ADAMTS9: variants seen among roughly 807,000 people sequenced by gnomAD.
ADAMTS9 encodes the protein ADAM metallopeptidase with thrombospondin type 1 motif 9.
In ADAMTS9, 107 loss-of-function variants were observed where a neutral mutation model predicts 257.1. That is an observed-to-expected ratio of 0.42 (90% CI 0.36 to 0.49). The LOEUF (loss-of-function observed/expected upper bound fraction) is 0.49. ADAMTS9 is among the 20% of genes least tolerant of loss of function. The probability of loss-of-function intolerance (pLI) is 0.03; values close to 1 mark genes in which losing one functional copy is unlikely to be tolerated. For missense variants in ADAMTS9, 2,353 were observed against 2,469.1 expected, an observed-to-expected ratio of 0.95 and a Z score of 1.00; for synonymous variants, 982 against 880.9, an observed-to-expected ratio of 1.11 and a Z score of -2.03.
intron 12 of ADAMTS9, among the ~76,000 whole-genome samples, chr3:64,639,131 C>T (rs912360328): frequency 1.3e-5 from 2 of 151,922 alleles, no homozygotes; most frequent in Admixed American, 6.6e-5. Flanking sequence ...TTTCCCTTTT[C>T]TGTGTTCCTT....
In ADAMTS9 at chr3:64,604,360, A is replaced by G. The variant is rs536538997; in HGVS notation, c.3475-29T>C. On this transcript the variant is annotated intron_variant, in intron 23 of 39. Coordinates refer to ENST00000498707, the MANE Select transcript of ADAMTS9 (RefSeq NM_182920.2). ...GACGTGATGGGGGAAAAAAAAACAA[A>G]GTCACTTTCAAGTCAATGCACTTTC... 1.2e-5 allele frequency: 18 copies of G among 1,497,716 alleles called. No individual in the cohort carries two copies. In the South Asian group the frequency reaches 2.3e-4, roughly 19 times the overall value. The allele number at this position is 1,497,716 out of a possible 1,614,324, so 92.8% of individuals were successfully genotyped here.
intron 3 of ADAMTS9, among the ~76,000 whole-genome samples, chr3:64,676,662 G>A (rs925412333): frequency 2.0e-5 from 3 of 152,140 alleles, no homozygotes; most frequent in South Asian, 2.1e-4. Context: ...GCCCCATAAT[G>A]TATTGATCTA....
At chr3:64,600,267 GAC>G (rs1374976132) in intron 26 of ADAMTS9, among the ~76,000 whole-genome samples, 1 of 152,094 alleles carries the variant, frequency 6.6e-6, no homozygotes, top group Non-Finnish European at 1.5e-5. Flanking sequence ...ATGCAAAGAT[GAC>G]GTACATCCTT....
intron 8 of ADAMTS9, among the ~76,000 whole-genome samples, chr3:64,653,130 A>C (rs781413711): frequency 6.6e-6 from 1 of 152,188 alleles, no homozygotes; most frequent in Non-Finnish European, 1.5e-5. Flanking sequence ...CTACACCTGT[A>C]CTGTTATTAT....
chr3:64,639,024 A>C (rs1700570243), intron 12 of ADAMTS9, among the ~76,000 whole-genome samples: 1 of 152,144 alleles, frequency 6.6e-6, no homozygotes, highest in African/African-American at 2.4e-5. Flanking sequence ...AAACTCCTTG[A>C]GAAGCATGAC....
At chr3:64,666,975 T>C (rs2107000554) in intron 3 of ADAMTS9, among the ~76,000 whole-genome samples, 1 of 152,280 alleles carries the variant, frequency 6.6e-6, no homozygotes, top group African/African-American at 2.4e-5. Flanking sequence ...AGGGATACCC[T>C]GTCTCAACAA....
At chr3:64,551,272 C>T (rs1386339552) in intron 30 of ADAMTS9, among the ~76,000 whole-genome samples, 3 of 152,096 alleles carry the variant, frequency 2.0e-5, no homozygotes, top group Non-Finnish European at 4.4e-5. Flanking sequence ...TGCAGTGGCA[C>T]GATCTTGGCT....
intron 28 of ADAMTS9, among the ~76,000 whole-genome samples, chr3:64,577,443 C>G (rs939478833): frequency 6.6e-6 from 1 of 152,160 alleles, no homozygotes; most frequent in African/African-American, 2.4e-5. Flanking sequence ...TACAAGGACC[C>G]ACTCTATGCC....
At position 64,593,945 on chromosome 3, in the gene ADAMTS9, TATGTGTGTGTGTATG is replaced by T. The variant is rs1004615520; in HGVS notation, c.4356+298_4356+312del. Among the ~76,000 whole-genome samples the T allele has an allele frequency of 2.3e-4, 26 of 113,262 alleles. 1 individual carries two copies. The highest frequency in any genetic ancestry group is 4.2e-3 in the Middle Eastern group (1 of 236). 74.3% of individuals were successfully genotyped at this position (113,262 alleles called of 152,430 possible). Reference sequence around the variant, plus strand: ...TGAGTTGTCTGTTAAAATCACTATGTATGTGTGTGTGTATGATGTGTGTGTGTGTGTGTGTGTGTG... The same window carrying T: ...TGAGTTGTCTGTTAAAATCACTATGTATGTGTGTGTGTGTGTGTGTGTGTG... On this transcript the variant is annotated intron_variant, in intron 28 of 39. Transcript: ENST00000498707.
chr3:64,547,349 G>A (rs1426067502), intron 31 of ADAMTS9, among the ~76,000 whole-genome samples: 2 of 21,850 alleles, frequency 9.2e-5, no homozygotes, highest in African/African-American at 1.3e-4. Context: ...GAAGGGAAGA[G>A]GAGACAGCAG....
intron 3 of ADAMTS9, among the ~76,000 whole-genome samples, chr3:64,669,046 G>T (rs1701419102): frequency 6.6e-6 from 1 of 152,144 alleles, no homozygotes; most frequent in African/African-American, 2.4e-5. Context: ...ACAGGGGCAT[G>T]CTGTGCTCCA....
intron 16 of ADAMTS9, among the ~76,000 whole-genome samples, chr3:64,623,325 C>T (rs1025435567): frequency 6.6e-6 from 1 of 152,162 alleles, no homozygotes; most frequent in African/African-American, 2.4e-5. Flanking sequence ...AAGCCAGCTG[C>T]CATGTTGTGA....
intron 28 of ADAMTS9, among the ~76,000 whole-genome samples, chr3:64,590,504 A>C (rs979680999): frequency 6.6e-6 from 1 of 152,238 alleles, no homozygotes; most frequent in Non-Finnish European, 1.5e-5. Flanking sequence ...TGTACTGCTC[A>C]AAATATTCAG....
In ADAMTS9 at chr3:64,621,047, C is replaced by A. The variant is rs1407781024; in HGVS notation, c.2813+67G>T. 4 of 1,539,558 alleles carry A rather than the reference C, an allele frequency of 2.6e-6. No homozygotes were observed. The African/African-American group carries it at 4.2e-5, about 16-fold the overall frequency. ...ACCAGCATCCCCTCCTTTTGCTTCT[C>A]CTGCTGGGACCTCCTGCAAGACTCT... is the stretch of plus-strand genomic sequence containing the variant. On this transcript the variant is annotated intron_variant, in intron 19 of 39. Coordinates refer to ENST00000498707, the MANE Select transcript of ADAMTS9 (RefSeq NM_182920.2).
intron 3 of ADAMTS9, 40 bp downstream of exon 3, chr3:64,681,161 T>A (rs754016264): frequency 6.3e-7 from 1 of 1,587,190 alleles, no homozygotes; most frequent in Non-Finnish European, 8.5e-7. Context: ...TTTACCCATC[T>A]CAAAGAGCTG....
chr3:64,685,861 C>G (rs941855163), intron 2 of ADAMTS9, among the ~76,000 whole-genome samples: 1 of 152,136 alleles, frequency 6.6e-6, no homozygotes, highest in Non-Finnish European at 1.5e-5. Flanking sequence ...CTCCCGGCCA[C>G]CCCGCCAGTA....
chr3:64,590,119 C>T (rs143766951), intron 28 of ADAMTS9: 14 of 152,208 alleles, frequency 9.2e-5, no homozygotes, highest in East Asian at 7.7e-4. Flanking sequence ...TTCAGGACAA[C>T]AGTACTAGAA....
intron 28 of ADAMTS9, among the ~76,000 whole-genome samples, chr3:64,569,378 G>T (rs1012503645): frequency 6.6e-6 from 1 of 152,074 alleles, no homozygotes; most frequent in South Asian, 2.1e-4. Flanking sequence ...CTGCTGGCTC[G>T]GGTTTTCAAG....
At chr3:64,653,172 A>G (rs1205555545) in intron 8 of ADAMTS9, among the ~76,000 whole-genome samples, 1 of 152,226 alleles carries the variant, frequency 6.6e-6, no homozygotes, top group East Asian at 1.9e-4. Flanking sequence ...ACTGAGCCAC[A>G]GAGAGCTTTA....
Sources: allele counts gnomAD v4.1 joint callset (sites outside exome capture counted in the v4.1 genomes callset), GRCh38; gene constraint gnomAD v4.1.1; transcripts MANE v1.5; gene names NCBI Gene and HGNC (gene_info 2026-07-23, HGNC 2026-07-21).